Variants in GRID2 observed in about 807,000 individuals in gnomAD.
The protein encoded by GRID2 is glutamate receptor ionotropic, delta-2.
Under a neutral mutation model 114.8 loss-of-function variants are expected in GRID2, and 33 were observed. The observed-to-expected ratio is 0.29, with a 90% CI of 0.22 to 0.38. The LOEUF is 0.38. Ranked by LOEUF, GRID2 falls within the 10% of genes least tolerant of loss-of-function variation. The pLI, the probability that GRID2 is intolerant of heterozygous loss-of-function variation, is 1.00. For missense variants in GRID2, 1,184 were observed against 1,257.7 expected (o/e 0.94, Z 0.89); for synonymous variants, 505 against 449.9 (o/e 1.12, Z -1.55).
intron 2 of GRID2, among the ~76,000 whole-genome samples, chr4:92,836,169 A>G (rs554012753): frequency 6.6e-6 from 1 of 152,270 alleles, no homozygotes; most frequent in South Asian, 2.1e-4. Flanking sequence ...GAGTAGTGAC[A>G]GAGATCATAC....
At position 92,590,204 on chromosome 4, in the gene GRID2, TGAG is replaced by T. The variant is rs763741990; in HGVS notation, c.166_168del (p.Glu56del). 2.1e-5 allele frequency: 34 copies of T among 1,611,508 alleles called. No individual in the cohort carries two copies. In the East Asian group the frequency reaches 6.0e-4, roughly 29 times the overall value. Reference sequence around the variant, plus strand: ...CTGCGGTTGGTGACCTTAACCAGAATGAGGAGATCTTACAGACTGAGAAAATCA... The same window carrying T: ...CTGCGGTTGGTGACCTTAACCAGAATGAGATCTTACAGACTGAGAAAATCA... On this transcript the variant is annotated inframe_deletion, in exon 2 of 16. Transcript: ENST00000282020.
At chr4:93,720,183 T>C (rs1375184412) in intron 14 of GRID2, among the ~76,000 whole-genome samples, 2 of 152,140 alleles carry the variant, frequency 1.3e-5, no homozygotes, top group African/African-American at 2.4e-5. Flanking sequence ...AATGAGTACA[T>C]ATTAAGAAAT....
chr4:92,461,954 C>A (rs1229258745), intron 1 of GRID2, among the ~76,000 whole-genome samples: 1 of 151,922 alleles, frequency 6.6e-6, no homozygotes. Flanking sequence ...TGTATTACGT[C>A]TTTGACAGCT....
intron 1 of GRID2, among the ~76,000 whole-genome samples, chr4:92,480,294 C>A (rs1346447460): frequency 6.6e-6 from 1 of 152,012 alleles, no homozygotes; most frequent in African/African-American, 2.4e-5. Context: ...TCACAAAAAT[C>A]ATTAATCAAA....
intron 7 of GRID2, 126 bp downstream of exon 7, chr4:93,224,901 A>G: frequency 1.5e-6 from 1 of 657,872 alleles, no homozygotes; most frequent in Admixed American, 3.2e-5. Context: ...GGGAAATTAA[A>G]TATTGAAAAA....
chr4:92,435,462 C>T (rs1377765226), intron 1 of GRID2, among the ~76,000 whole-genome samples: 2 of 152,142 alleles, frequency 1.3e-5, no homozygotes, highest in Admixed American at 6.5e-5. Flanking sequence ...CTGTCTAGAA[C>T]AGAGTAGATA....
At chr4:93,228,256 A>T (rs1456862069) in intron 7 of GRID2, among the ~76,000 whole-genome samples, 3 of 152,256 alleles carry the variant, frequency 2.0e-5, no homozygotes, top group Non-Finnish European at 4.4e-5. Flanking sequence ...GGCATCTGAT[A>T]AGGGTTATCC....
chr4:92,388,391 C>T (rs1287108860), intron 1 of GRID2, among the ~76,000 whole-genome samples: 1 of 151,914 alleles, frequency 6.6e-6, no homozygotes, highest in East Asian at 1.9e-4. Flanking sequence ...GTATCCCTGG[C>T]TCTCTCTCTG....
intron 2 of GRID2, among the ~76,000 whole-genome samples, chr4:92,611,835 T>C (rs1270177960): frequency 1.3e-5 from 2 of 151,572 alleles, no homozygotes; most frequent in East Asian, 3.9e-4. Flanking sequence ...ACATATTTAT[T>C]TGAGGTTTTT....
chr4:93,590,579 C>T (rs948764929), intron 13 of GRID2, among the ~76,000 whole-genome samples: 5 of 151,964 alleles, frequency 3.3e-5, no homozygotes, highest in African/African-American at 1.2e-4. Context: ...TAGTTTTTTC[C>T]AATTCTCTGA....
At chr4:93,195,973 G>A (rs1455244271) in intron 4 of GRID2, among the ~76,000 whole-genome samples, 1 of 152,136 alleles carries the variant, frequency 6.6e-6, no homozygotes, top group Admixed American at 6.6e-5. Flanking sequence ...TGCTCTGCAA[G>A]TGACATTTTG....
intron 2 of GRID2, among the ~76,000 whole-genome samples, chr4:92,910,232 T>C (rs981634443): frequency 1.3e-5 from 2 of 151,510 alleles, no homozygotes; most frequent in Non-Finnish European, 2.9e-5. Flanking sequence ...AAAAAGTAAA[T>C]GCTCAGGACT....
intron 5 of GRID2, among the ~76,000 whole-genome samples, chr4:93,211,804 A>G (rs1743511100): frequency 6.6e-6 from 1 of 152,184 alleles, no homozygotes; most frequent in Non-Finnish European, 1.5e-5. Context: ...TAAAACTCAG[A>G]TAATGAGCAA....
intron 1 of GRID2, among the ~76,000 whole-genome samples, chr4:92,584,273 T>A (rs1457800811): frequency 6.6e-6 from 1 of 151,970 alleles, no homozygotes; most frequent in Non-Finnish European, 1.5e-5. Context: ...CCACTGGCAA[T>A]TGTAGGAATG....
intron 2 of GRID2, among the ~76,000 whole-genome samples, chr4:92,605,671 T>C (rs1369201225): frequency 2.6e-5 from 4 of 152,102 alleles, no homozygotes. Context: ...AGCTATTTCA[T>C]ATGGGAAAGT....
chr4:93,288,818 C>A (rs1367267185), intron 8 of GRID2, among the ~76,000 whole-genome samples: 1 of 152,014 alleles, frequency 6.6e-6, no homozygotes, highest in East Asian at 1.9e-4. Flanking sequence ...ATTATGTTTT[C>A]TATGCTTAAT....
At chr4:93,375,500 C>T (rs192063673) in intron 8 of GRID2, among the ~76,000 whole-genome samples, 106 of 152,122 alleles carry the variant, frequency 7.0e-4, no homozygotes, top group African/African-American at 2.1e-3. Context: ...TGTGAGCCAC[C>T]GCGCCTGGCC....
chr4:93,582,714 T>C (rs1737103461), intron 13 of GRID2, among the ~76,000 whole-genome samples: 1 of 152,200 alleles, frequency 6.6e-6, no homozygotes, highest in South Asian at 2.1e-4. Context: ...TTGTGTTTTT[T>C]TTAATAATAA....
intron 1 of GRID2, among the ~76,000 whole-genome samples, chr4:92,490,595 C>G (rs7686275): frequency 0.052 from 7,839 of 152,186 alleles, 259 homozygotes; most frequent in East Asian, 0.083. Context: ...ATAACTCTAT[C>G]ATATTGAAGA....
Sources: gnomAD v4.1 joint callset for allele counts (sites outside exome capture counted in the v4.1 genomes callset) on GRCh38, gnomAD v4.1.1 for gene constraint, MANE v1.5 for transcripts, NCBI Gene and HGNC (gene_info 2026-07-23, HGNC 2026-07-21) for gene names.